Variants in INPP5A observed in about 807,000 individuals in gnomAD.
INPP5A encodes 43 kDa inositol polyphosphate 5-phophatase.
INPP5A carries 14 observed loss-of-function variants against 65.2 expected under a neutral mutation model. The ratio of observed to expected loss-of-function variants is 0.21; its 90% CI spans 0.14 to 0.34. INPP5A has a LOEUF of 0.34. Ranked by LOEUF, INPP5A falls within the 10% of genes least tolerant of loss-of-function variation. The pLI, the probability that INPP5A is intolerant of heterozygous loss-of-function variation, is 1.00. For missense variants in INPP5A, 431 were observed against 545.6 expected, an observed-to-expected ratio of 0.79 and a Z score of 2.09; for synonymous variants, 207 against 208.3, an observed-to-expected ratio of 0.99 and a Z score of 0.05.
chr10:132,642,806 G>A lies in INPP5A; in HGVS notation c.118-3062G>A, dbSNP rs543014465. ...TGTCCATGTGGAGGGGCGGCCGCACGTGGGGATAAAGACCTGCCGATGAAG... is the reference window on the plus strand; with the variant it reads ...TGTCCATGTGGAGGGGCGGCCGCACATGGGGATAAAGACCTGCCGATGAAG... On this transcript the variant is annotated intron_variant, in intron 2 of 15. Coordinates refer to ENST00000368594, the MANE Select transcript of INPP5A (RefSeq NM_005539.5). Among the ~76,000 whole-genome samples, 6 of 152,350 alleles carry A rather than the reference G, an allele frequency of 3.9e-5. No individual in the cohort carries two copies. The East Asian group carries it at 5.8e-4, about 15-fold the overall frequency.
intron 8 of INPP5A, among the ~76,000 whole-genome samples, chr10:132,713,729 C>A (rs771900378): frequency 2.6e-5 from 4 of 152,176 alleles, no homozygotes; most frequent in Admixed American, 6.5e-5. Flanking sequence ...GCCCTGTGCA[C>A]GGCCACACCC....
At chr10:132,543,302 G>A (rs965236680) in intron 1 of INPP5A, among the ~76,000 whole-genome samples, 4 of 152,028 alleles carry the variant, frequency 2.6e-5, no homozygotes, top group African/African-American at 4.8e-5. Context: ...TGTCCCGGGC[G>A]TTTCACATAC....
At chr10:132,638,355 C>T (rs1042247030) in intron 2 of INPP5A, among the ~76,000 whole-genome samples, 5 of 152,120 alleles carry the variant, frequency 3.3e-5, no homozygotes, top group South Asian at 2.1e-4. Flanking sequence ...CTTCAGCCTC[C>T]GGACTTGCTG....
intron 1 of INPP5A, among the ~76,000 whole-genome samples, chr10:132,565,725 GT>G (rs2071265551): frequency 6.6e-6 from 1 of 151,764 alleles, no homozygotes; most frequent in African/African-American, 2.4e-5. Context: ...GAGTTTGTGT[GT>G]GTGTGTGTGT....
At chr10:132,730,787 G>A (rs758401473) in intron 9 of INPP5A, among the ~76,000 whole-genome samples, 8 of 152,172 alleles carry the variant, frequency 5.3e-5, no homozygotes, top group South Asian at 2.1e-4. Flanking sequence ...GAGCCTGACC[G>A]CAAGCTGCCT....
chr10:132,545,422 A>C lies in INPP5A; in HGVS notation c.75+7251A>C, dbSNP rs1564910893. Among the ~76,000 whole-genome samples, 1 of 152,044 alleles carries C rather than the reference A, an allele frequency of 6.6e-6. No homozygotes were observed. On this transcript the variant is annotated intron_variant, in intron 1 of 15. Transcript: ENST00000368594. This position sits in a 1 kb window ranked among gnomAD's most constrained non-coding sequence, Gnocchi z 4.6. ...TCTCTCTGAGCTGTGGGGCTCACGG[A>C]GGGACAGCCTCCAGGAAGGTGGCCT... is the stretch of plus-strand genomic sequence containing the variant.
In INPP5A at chr10:132,650,374, C is replaced by A; in HGVS notation, c.219-44C>A. On this transcript the variant is annotated intron_variant, in intron 3 of 15. Coordinates refer to ENST00000368594, the MANE Select transcript of INPP5A (RefSeq NM_005539.5). The surrounding 1 kb of genome is among the most constrained non-coding windows in gnomAD (Gnocchi z 5.5). ...TGTGGTCATCTCATGAGGTGCAAGG[C>A]GTCTGTGTGGCTTTTCCTCAGGAAC... is the stretch of plus-strand genomic sequence containing the variant. 1.5e-6 allele frequency: 2 copies of A among 1,344,212 alleles called. No individual in the cohort carries two copies. Among genetic ancestry groups the A allele is most frequent in the Non-Finnish European group, 1.1e-6 (1 of 934,530 alleles). 83.3% of individuals were successfully genotyped at this position (1,344,212 alleles called of 1,614,324 possible). A position where few individuals can be genotyped will look rare whatever the true frequency, so the allele number is the denominator to read the frequency against.
In INPP5A at chr10:132,705,065, G is replaced by A. The variant is rs1326166470; in HGVS notation, c.475-3248G>A. On this transcript the variant is annotated intron_variant, in intron 6 of 15. Transcript: ENST00000368594. The surrounding 1 kb of genome is among the most constrained non-coding windows in gnomAD (Gnocchi z 4.9). The stretch of plus-strand genomic sequence containing the variant: ...GTCTGGAGTGCAGGCTGAGTGGAGG[G>A]GAGAGAGTCCAAGCATTGGGGGTGT... Among the ~76,000 whole-genome samples, 2 of 152,198 alleles carry A rather than the reference G, an allele frequency of 1.3e-5. No individual in the cohort carries two copies. Among genetic ancestry groups the A allele is most frequent in the African/African-American group, 2.4e-5 (1 of 41,442 alleles).
chr10:132,769,797 A>G (rs1846916814), intron 12 of INPP5A, among the ~76,000 whole-genome samples: 1 of 131,606 alleles, frequency 7.6e-6, no homozygotes, highest in African/African-American at 2.8e-5. Flanking sequence ...CCCACCCCGT[A>G]GCTCCCCCCC....
chr10:132,756,783 G>GA (rs1269382451), intron 11 of INPP5A, among the ~76,000 whole-genome samples: 1 of 152,258 alleles, frequency 6.6e-6, no homozygotes, highest in Non-Finnish European at 1.5e-5. Context: ...GGTCCACGGA[G>GA]AAGAAGGCGC....
intron 2 of INPP5A, among the ~76,000 whole-genome samples, chr10:132,639,724 A>G (rs1182656519): frequency 6.6e-6 from 1 of 152,158 alleles, no homozygotes; most frequent in African/African-American, 2.4e-5. Context: ...CGTAGAGTAG[A>G]TGTGATGCCA....
chr10:132,749,884 G>A, intron 11 of INPP5A, 39 bp downstream of exon 11: 1 of 1,553,774 alleles, frequency 6.4e-7, no homozygotes, highest in South Asian at 1.1e-5. Flanking sequence ...CCCCGTCCTG[G>A]GACATCCACG....
chr10:132,755,236 C>T (rs1846575143), intron 11 of INPP5A, among the ~76,000 whole-genome samples: 1 of 147,550 alleles, frequency 6.8e-6, no homozygotes, highest in South Asian at 2.2e-4. Context: ...CAGGCGTGTA[C>T]ATGCATGAGC....
At chr10:132,558,242 C>A (rs959586802) in intron 1 of INPP5A, among the ~76,000 whole-genome samples, 2 of 152,144 alleles carry the variant, frequency 1.3e-5, no homozygotes, top group Non-Finnish European at 2.9e-5. Flanking sequence ...CACGCAGAGC[C>A]GCGACTTCCC....
chr10:132,714,181 A>C (rs1432833968), intron 8 of INPP5A, among the ~76,000 whole-genome samples: 1 of 152,172 alleles, frequency 6.6e-6, no homozygotes, highest in African/African-American at 2.4e-5. Context: ...TCAAGAAAGC[A>C]GCCTTTGGGC....
intron 1 of INPP5A, among the ~76,000 whole-genome samples, chr10:132,586,135 C>T (rs999845680): frequency 2.0e-5 from 3 of 152,076 alleles, no homozygotes; most frequent in Non-Finnish European, 2.9e-5. Flanking sequence ...AGACTGGCCT[C>T]GTGCAGCTGG....
rs540814254 is a variant in INPP5A, at chr10:132,777,022, G to A, written c.978-649G>A. ...GCAGACCCCAGGCAGTGTGGGATGC[G>A]CTCACTGTGTGGGTGAAGGGCTCCG... On this transcript the variant is annotated intron_variant, in intron 12 of 15. Coordinates refer to ENST00000368594, the MANE Select transcript of INPP5A (RefSeq NM_005539.5). Among the ~76,000 whole-genome samples the A allele has an allele frequency of 2.5e-3, 380 of 152,294 alleles. 1 individual carries two copies. Among genetic ancestry groups the A allele is most frequent in the African/African-American group, 8.7e-3 (362 of 41,560 alleles).
rs139716910 is a variant in INPP5A at position 132,643,918 on chromosome 10, GAC to G, written c.118-1946_118-1945del. Among the ~76,000 whole-genome samples the G allele has an allele frequency of 8.1e-3, 1,228 of 152,242 alleles. 13 individuals carry two copies. Among genetic ancestry groups the G allele is most frequent in the African/African-American group, 0.028 (1,177 of 41,544 alleles). On this transcript the variant is annotated intron_variant, in intron 2 of 15. Coordinates refer to ENST00000368594, the MANE Select transcript of INPP5A (RefSeq NM_005539.5). ...ACCCCGTGGTGTCCTAGGGCGTGTAGACACAGGCCTCTTCCATGCCAGGGAGG... is the reference window on the plus strand; with the variant it reads ...ACCCCGTGGTGTCCTAGGGCGTGTAGACAGGCCTCTTCCATGCCAGGGAGG...
intron 8 of INPP5A, among the ~76,000 whole-genome samples, chr10:132,720,638 G>T (rs1156821355): frequency 3.3e-5 from 5 of 150,528 alleles, no homozygotes; most frequent in Admixed American, 6.6e-5. Context: ...GTTCTGTCTG[G>T]GCACCTTAGA....
Sources: allele counts gnomAD v4.1 joint callset (sites outside exome capture counted in the v4.1 genomes callset), GRCh38; gene constraint gnomAD v4.1.1; non-coding constraint Gnocchi (gnomAD v3.1); transcripts MANE v1.5; gene names NCBI Gene and HGNC (gene_info 2026-07-23, HGNC 2026-07-21).